Variants in RING1 observed in about 807,000 individuals in gnomAD.
The protein encoded by RING1 is ring finger protein 1, also known as E3 ubiquitin-protein ligase RING1.
RING1 carries 8 observed loss-of-function variants against 35.0 expected under a neutral mutation model. The observed-to-expected ratio is 0.23, with a 90% CI of 0.13 to 0.41. The LOEUF is 0.41. Ranked by LOEUF, RING1 falls within the 10% of genes least tolerant of loss-of-function variation. The pLI is 1.00. For synonymous variants in RING1, 214 were observed against 224.3 expected (o/e 0.95, Z 0.41); for missense variants, 343 against 546.8 (o/e 0.63, Z 3.72).
chr6:33,208,636 T>G lies in RING1; in HGVS notation c.-67T>G. ...CGGCGGCGGCGGGAGCGCGAACGGC[T>G]GGAGCTGGGTGAGGGGCAGTGCCGG... On this transcript the variant is annotated 5_prime_UTR_variant, in exon 1 of 7. Coordinates refer to ENST00000374656, the MANE Select transcript of RING1 (RefSeq NM_002931.4). The surrounding 1 kb of genome is among the most constrained non-coding windows in gnomAD (Gnocchi z 6.2). The G allele has an allele frequency of 9.1e-6, 5 of 549,892 alleles. No individual in the cohort carries two copies. In the South Asian group the frequency reaches 9.5e-5, roughly 10 times the overall value. The allele number at this position is 549,892 out of a possible 1,614,324, so 34.1% of individuals were successfully genotyped here. A position where few individuals can be genotyped will look rare whatever the true frequency, so the allele number is the denominator to read the frequency against.
In RING1 at chr6:33,208,968, A is replaced by G; in HGVS notation, c.78+68A>G. The G allele has an allele frequency of 7.7e-7, 1 of 1,291,546 alleles. No homozygotes were observed. The highest frequency in any genetic ancestry group is 1.1e-6 in the Non-Finnish European group (1 of 904,776). 80.0% of individuals were successfully genotyped at this position (1,291,546 alleles called of 1,614,324 possible). ...CCCTTATATCCACAGACCGCATCAC[A>G]CAGCTTCTTTTCCGTAATTTGCTCT... On this transcript the variant is annotated intron_variant, in intron 2 of 6. Transcript: ENST00000374656. The surrounding 1 kb of genome is among the most constrained non-coding windows in gnomAD (Gnocchi z 6.2).
chr6:33,209,315 G>A lies in RING1; in HGVS notation c.79-311G>A. The A allele has an allele frequency of 1.8e-6, 1 of 568,456 alleles. No homozygotes were observed. Among genetic ancestry groups the A allele is most frequent in the South Asian group, 2.1e-5 (1 of 48,182 alleles). The allele number at this position is 568,456 out of a possible 1,614,324, so 35.2% of individuals were successfully genotyped here. On this transcript the variant is annotated intron_variant, in intron 2 of 6. Coordinates refer to ENST00000374656, the MANE Select transcript of RING1 (RefSeq NM_002931.4). This position sits in a 1 kb window ranked among gnomAD's most constrained non-coding sequence, Gnocchi z 5.1. ...TGGGGTTCTAATACAGGTAGCACCA[G>A]GACTTTAAAAAATTTTGTTGAATAG...
Position 33,209,878 on chromosome 6 carries a change from T to A in RING1, c.240-37T>A, listed in dbSNP as rs772430673. The A allele has an allele frequency of 1.6e-5, 25 of 1,612,156 alleles. No homozygotes were observed. The highest frequency in any genetic ancestry group is 1.5e-4 in the Admixed American group (9 of 59,912). On this transcript the variant is annotated intron_variant, in intron 3 of 6. Transcript: ENST00000374656. This position sits in a 1 kb window ranked among gnomAD's most constrained non-coding sequence, Gnocchi z 5.1. ...GGTTCAGCCTAGGCTTCAGTTCCCT[T>A]GACTGACCACTCAGGGCTTCCCTTC...
rs776010042 is a variant in RING1, at chr6:33,211,946, G to A, written c.1063G>A (p.Gly355Ser). 1.3e-6 allele frequency: 2 copies of A among 1,591,804 alleles called. No homozygotes were observed. Among genetic ancestry groups the A allele is most frequent in the African/African-American group, 1.3e-5 (1 of 74,336 alleles). The change falls in exon 6 of 7, where the codon GGC becomes AGC. Residue 355 changes from glycine to serine, a missense_variant. This residue lies in a region of RING1 where 278 missense variants were observed against 383.5 expected (regional missense o/e 0.72). Transcript: ENST00000374656. The surrounding 1 kb of genome is among the most constrained non-coding windows in gnomAD (Gnocchi z 6.3). ...PEEPALPSLE[G>S]VSEKQYTIYI... ...GGAGCCTGCTTTGCCCAGCCTGGAG[G>A]GCGTCAGTGAAAAGCAGTACACCAT...
Position 33,211,158 on chromosome 6 carries a change from G to A in RING1, c.456G>A (p.Arg152=). 6.3e-7 allele frequency: 1 copy of A among 1,593,906 alleles called. No homozygotes were observed. The highest frequency in any genetic ancestry group is 8.6e-7 in the Non-Finnish European group (1 of 1,166,456). Residue 152 remains arginine (R), a splice_region_variant and synonymous_variant, in exon 5 of 7, where the codon AGG becomes AGA. Transcript: ENST00000374656. This position sits in a 1 kb window ranked among gnomAD's most constrained non-coding sequence, Gnocchi z 6.3. ...EEGLRMQAMH[R]AQRVRRPIPG... is the part of the protein sequence containing the mutation. ...TAACCTTAACCACTTGCTTCTACAGGGCCCAGCGTGTGAGGCGGCCGATAC... is the reference window on the plus strand; with the variant it reads ...TAACCTTAACCACTTGCTTCTACAGAGCCCAGCGTGTGAGGCGGCCGATAC...
Position 33,208,992 on chromosome 6 carries a change from C to A in RING1, c.78+92C>A. The stretch of plus-strand genomic sequence containing the variant: ...CACAGCTTCTTTTCCGTAATTTGCT[C>A]TATTCTGCCTTGCCTGGCCCTACCT... On this transcript the variant is annotated intron_variant, in intron 2 of 6. Coordinates refer to ENST00000374656, the MANE Select transcript of RING1 (RefSeq NM_002931.4). The surrounding 1 kb of genome is among the most constrained non-coding windows in gnomAD (Gnocchi z 6.2). 1 of 1,072,844 alleles carries A rather than the reference C, an allele frequency of 9.3e-7. No homozygotes were observed. Among genetic ancestry groups the A allele is most frequent in the Non-Finnish European group, 1.4e-6 (1 of 709,400 alleles). The allele number at this position is 1,072,844 out of a possible 1,614,324, so 66.5% of individuals were successfully genotyped here.
intron 6 of RING1, 137 bp from the exon 7 acceptor site, chr6:33,212,161 T>C: frequency 1.1e-6 from 1 of 873,554 alleles, no homozygotes; most frequent in East Asian, 2.7e-5. Flanking sequence ...CCATGTCCTT[T>C]TTTGCCTTAT....
In RING1 at chr6:33,211,091, C is replaced by T. The variant is rs1032512486; in HGVS notation, c.456-67C>T. ...TTAGGATTTTTCTTATCTCTTAATT[C>T]TCTGAAGTTTAAAGTCTAAGCCCTT... On this transcript the variant is annotated intron_variant, in intron 4 of 6. Transcript: ENST00000374656. This position sits in a 1 kb window ranked among gnomAD's most constrained non-coding sequence, Gnocchi z 6.3. 6.8e-6 allele frequency: 10 copies of T among 1,481,060 alleles called. No homozygotes were observed. Among genetic ancestry groups the T allele is most frequent in the African/African-American group, 1.4e-5 (1 of 71,158 alleles). 91.7% of individuals were successfully genotyped at this position (1,481,060 alleles called of 1,614,324 possible).
Position 33,211,150 on chromosome 6 carries a change from T to C in RING1, c.456-8T>C. On this transcript the variant is annotated splice_polypyrimidine_tract_variant and splice_region_variant and intron_variant, in intron 4 of 6. Coordinates refer to ENST00000374656, the MANE Select transcript of RING1 (RefSeq NM_002931.4). This position sits in a 1 kb window ranked among gnomAD's most constrained non-coding sequence, Gnocchi z 6.3. ...ATGCCTTCTAACCTTAACCACTTGC[T>C]TCTACAGGGCCCAGCGTGTGAGGCG... 6.3e-7 allele frequency: 1 copy of C among 1,582,894 alleles called. No homozygotes were observed. Among genetic ancestry groups the C allele is most frequent in the Non-Finnish European group, 8.6e-7 (1 of 1,160,052 alleles).
intron 4 of RING1, 78 bp downstream of exon 4, chr6:33,210,208 C>T: frequency 7.6e-7 from 1 of 1,314,822 alleles, no homozygotes; most frequent in South Asian, 1.2e-5. Context: ...GCTTCTAAGC[C>T]TCAGCATCCT....
intron 4 of RING1, among the ~76,000 whole-genome samples, 174 bp downstream of exon 4, chr6:33,210,304 T>C (rs1238158436): frequency 1.3e-5 from 2 of 152,148 alleles, no homozygotes; most frequent in East Asian, 1.9e-4. Flanking sequence ...CCTGCTCTTC[T>C]TAAGAAAAAT....
chr6:33,208,550 T>C lies in RING1; in HGVS notation c.-153T>C, dbSNP rs926129934. ...GCGGCGGCGGTGGCGGGAGCTGCTGTCTGAGCAGCGGTTGCGGACCGAGCG... is the reference window on the plus strand; with the variant it reads ...GCGGCGGCGGTGGCGGGAGCTGCTGCCTGAGCAGCGGTTGCGGACCGAGCG... On this transcript the variant is annotated 5_prime_UTR_variant, in exon 1 of 7. Transcript: ENST00000374656. The surrounding 1 kb of genome is among the most constrained non-coding windows in gnomAD (Gnocchi z 6.2). The C allele has an allele frequency of 9.3e-6, 4 of 432,066 alleles. No homozygotes were observed. In the Admixed American group the frequency reaches 1.7e-4, roughly 19 times the overall value. 26.8% of individuals were successfully genotyped at this position (432,066 alleles called of 1,614,324 possible).
Position 33,209,730 on chromosome 6 carries a change from C to T in RING1, c.183C>T (p.Thr61=). The change falls in exon 3 of 7, where the codon ACC becomes ACT. Residue 61 remains threonine, a synonymous_variant. Coordinates refer to ENST00000374656, the MANE Select transcript of RING1 (RefSeq NM_002931.4). The surrounding 1 kb of genome is among the most constrained non-coding windows in gnomAD (Gnocchi z 5.1). The part of the protein sequence containing the change: ...CLDMLKNTMT[T]KECLHRFCSD... ...ACATGCTGAAGAATACGATGACCAC[C>T]AAGGAGTGCCTCCACAGATTCTGCT... The T allele has an allele frequency of 6.2e-7, 1 of 1,613,484 alleles. No homozygotes were observed.
At position 33,208,835 on chromosome 6, in the gene RING1, G is replaced by T. The variant is rs1775333006; in HGVS notation, c.13G>T (p.Ala5Ser). ...GCGCCCGGTCACCATGACGACGCCG[G>T]CGAATGCCCAGAATGCCAGCAAAAC... MTTP[A>S]NAQNASKTWE... Residue 5 changes from alanine to serine, a missense_variant, in exon 2 of 7, where the codon GCG becomes TCG. Coordinates refer to ENST00000374656, the MANE Select transcript of RING1 (RefSeq NM_002931.4). This position sits in a 1 kb window ranked among gnomAD's most constrained non-coding sequence, Gnocchi z 6.2. 1 of 1,606,250 alleles carries T rather than the reference G, an allele frequency of 6.2e-7. No homozygotes were observed. The highest frequency in any genetic ancestry group is 1.3e-5 in the African/African-American group (1 of 74,840).
In RING1 at chr6:33,212,545, T is replaced by C; in HGVS notation, c.*146T>C. ...GAGGACACGTGGCTTTTATACAAAGTATCTATATGAGATTCTTCTATATTG... is the reference window on the plus strand; with the variant it reads ...GAGGACACGTGGCTTTTATACAAAGCATCTATATGAGATTCTTCTATATTG... On this transcript the variant is annotated 3_prime_UTR_variant, in exon 7 of 7. Transcript: ENST00000374656. 4 of 612,988 alleles carry C rather than the reference T, an allele frequency of 6.5e-6. No individual in the cohort carries two copies. The South Asian group carries it at 7.9e-5, about 12-fold the overall frequency. 38.0% of individuals were successfully genotyped at this position (612,988 alleles called of 1,614,324 possible). A position where few individuals can be genotyped will look rare whatever the true frequency, so the allele number is the denominator to read the frequency against.
In RING1 at chr6:33,212,592, C is replaced by T. The variant is rs889351565; in HGVS notation, c.*193C>T. 1 of 485,420 alleles carries T rather than the reference C, an allele frequency of 2.1e-6. No homozygotes were observed. The highest frequency in any genetic ancestry group is 3.6e-6 in the Non-Finnish European group (1 of 274,996). 30.1% of individuals were successfully genotyped at this position (485,420 alleles called of 1,614,324 possible). A position where few individuals can be genotyped will look rare whatever the true frequency, so the allele number is the denominator to read the frequency against. On this transcript the variant is annotated 3_prime_UTR_variant, in exon 7 of 7. Transcript: ENST00000374656. ...ATTGTACAGAGTGGGGCAAAACACG[C>T]CCCCATCTGCTGCCTTTTCTATTGC... is the stretch of plus-strand genomic sequence containing the variant.
chr6:33,212,424 A>AG lies in RING1; in HGVS notation c.*29dup. On this transcript the variant is annotated 3_prime_UTR_variant, in exon 7 of 7. Transcript: ENST00000374656. Reference sequence around the variant, plus strand: ...ACCCCACCAGGGGACAGCCAGAGGAAGGGGACCATGGGGTATCCCTGTGTC... The same window carrying AG: ...ACCCCACCAGGGGACAGCCAGAGGAAGGGGGACCATGGGGTATCCCTGTGTC... 2.7e-6 allele frequency: 4 copies of AG among 1,468,242 alleles called. No individual in the cohort carries two copies. Among genetic ancestry groups the AG allele is most frequent in the Non-Finnish European group, 2.8e-6 (3 of 1,067,082 alleles). The allele number at this position is 1,468,242 out of a possible 1,614,324, so 91.0% of individuals were successfully genotyped here.
Position 33,209,500 on chromosome 6 carries a change from G to A in RING1, c.79-126G>A. On this transcript the variant is annotated intron_variant, in intron 2 of 6. Transcript: ENST00000374656. This position sits in a 1 kb window ranked among gnomAD's most constrained non-coding sequence, Gnocchi z 5.1. Reference sequence around the variant, plus strand: ...AGTCCTTCTCTTTCTCAGAATTCTTGTCTCCTATAGAGACCAACATGGGTC... The same window carrying A: ...AGTCCTTCTCTTTCTCAGAATTCTTATCTCCTATAGAGACCAACATGGGTC... The A allele has an allele frequency of 5.8e-6, 5 of 863,534 alleles. No individual in the cohort carries two copies. The highest frequency in any genetic ancestry group is 9.0e-6 in the Non-Finnish European group (5 of 558,572). The allele number at this position is 863,534 out of a possible 1,614,324, so 53.5% of individuals were successfully genotyped here. A position where few individuals can be genotyped will look rare whatever the true frequency, so the allele number is the denominator to read the frequency against.
In RING1 at chr6:33,212,290, C is replaced by G. The variant is rs750358408; in HGVS notation, c.1120-8C>G. The G allele has an allele frequency of 1.1e-4, 178 of 1,559,620 alleles. No homozygotes were observed. Among genetic ancestry groups the G allele is most frequent in the Non-Finnish European group, 1.5e-4 (173 of 1,147,882 alleles). On this transcript the variant is annotated splice_region_variant and splice_polypyrimidine_tract_variant and intron_variant, in intron 6 of 6. Coordinates refer to ENST00000374656, the MANE Select transcript of RING1 (RefSeq NM_002931.4). ...TTTTCCCCTCTCTCCCTTTTACCCC[C>G]TCCTCAGACGTTGAATGGCTCGCTG...
Sources: gnomAD v4.1 joint callset for allele counts (sites outside exome capture counted in the v4.1 genomes callset) on GRCh38, gnomAD v4.1.1 for gene constraint, gnomAD v4.1.1 regional missense constraint, Gnocchi (gnomAD v3.1) non-coding constraint, MANE v1.5 for transcripts, NCBI Gene and HGNC (gene_info 2026-07-23, HGNC 2026-07-21) for gene names.